KIAA1328: variants seen among roughly 807,000 people sequenced by gnomAD.
KIAA1328 encodes protein hinderin.
Under a neutral mutation model 68.1 loss-of-function variants are expected in KIAA1328, and 52 were observed. The observed-to-expected ratio is 0.76, with a 90% CI of 0.61 to 0.96. The LOEUF is 0.96. KIAA1328 is among the 40% of genes least tolerant of loss of function. The pLI is 0.00. For synonymous variants in KIAA1328, 232 were observed against 239.4 expected (o/e 0.97, Z 0.28); for missense variants, 641 against 677.6 (o/e 0.95, Z 0.60).
chr18:37,196,733 G>A (rs2060010480), intron 9 of KIAA1328, among the ~76,000 whole-genome samples: 1 of 152,052 alleles, frequency 6.6e-6, no homozygotes, highest in Admixed American at 6.6e-5. Context: ...TTGGCCTGTA[G>A]TCTTCTTTTT....
intron 6 of KIAA1328, among the ~76,000 whole-genome samples, chr18:37,032,767 G>A (rs322648): frequency 0.73 from 111,315 of 151,956 alleles, 43,915 homozygotes; most frequent in South Asian, 0.89. Flanking sequence ...CCAGCCTCCC[G>A]AGTAGCTGGG....
chr18:36,951,319 G>A (rs2051151760), intron 5 of KIAA1328, among the ~76,000 whole-genome samples: 1 of 151,908 alleles, frequency 6.6e-6, no homozygotes, highest in African/African-American at 2.4e-5. Context: ...TGTATGTCTG[G>A]CATCTCATTC....
At chr18:37,136,201 A>T (rs2058640386) in intron 7 of KIAA1328, among the ~76,000 whole-genome samples, 1 of 152,150 alleles carries the variant, frequency 6.6e-6, no homozygotes, top group Admixed American at 6.5e-5. Flanking sequence ...GTGTGTGTTG[A>T]TTCACCAGTG....
intron 7 of KIAA1328, among the ~76,000 whole-genome samples, chr18:37,071,615 AT>A (rs2056538395): frequency 6.6e-6 from 1 of 152,180 alleles, no homozygotes; most frequent in Non-Finnish European, 1.5e-5. Context: ...ATGTGCAAAG[AT>A]TATATATACA....
intron 7 of KIAA1328, among the ~76,000 whole-genome samples, chr18:37,074,141 A>C (rs560735315): frequency 1.3e-5 from 2 of 152,328 alleles, no homozygotes; most frequent in Admixed American, 1.3e-4. Flanking sequence ...TTATTGTCTA[A>C]AAGTTTTTTG....
At chr18:36,985,803 GATT>G (rs1442292898) in intron 6 of KIAA1328, among the ~76,000 whole-genome samples, 1 of 152,122 alleles carries the variant, frequency 6.6e-6, no homozygotes, top group Non-Finnish European at 1.5e-5. Flanking sequence ...ATTAGTCATA[GATT>G]ATTAGATACA....
chr18:36,891,167 G>A (rs1211840730), intron 5 of KIAA1328, among the ~76,000 whole-genome samples: 1 of 152,070 alleles, frequency 6.6e-6, no homozygotes, highest in East Asian at 1.9e-4. Context: ...AGATACAATT[G>A]GAGCCCACGC....
At chr18:36,843,974 G>A (rs568617462) in intron 3 of KIAA1328, among the ~76,000 whole-genome samples, 15 of 152,020 alleles carry the variant, frequency 9.9e-5, no homozygotes, top group Non-Finnish European at 2.1e-4. Flanking sequence ...ATTTAAGCAG[G>A]GGATATCTGC....
chr18:37,086,711 T>C (rs751371599), intron 7 of KIAA1328, among the ~76,000 whole-genome samples: 8 of 152,212 alleles, frequency 5.3e-5, no homozygotes, highest in Non-Finnish European at 1.0e-4. Flanking sequence ...CTTAGTAGTT[T>C]TCCTCAGAAA....
chr18:37,228,734 C>G (rs1338308387), downstream of KIAA1328, among the ~76,000 whole-genome samples: 1 of 151,932 alleles, frequency 6.6e-6, no homozygotes, highest in Non-Finnish European at 1.5e-5. Flanking sequence ...GCAGGAAAAT[C>G]TCTTGAACCT....
chr18:37,141,010 C>G (rs920092612), intron 7 of KIAA1328, among the ~76,000 whole-genome samples: 2 of 152,094 alleles, frequency 1.3e-5, no homozygotes, highest in African/African-American at 4.8e-5. Context: ...TTACATAGTT[C>G]TTAATTTTGA....
chr18:37,071,033 T>C (rs1252366929), intron 7 of KIAA1328, among the ~76,000 whole-genome samples: 2 of 151,046 alleles, frequency 1.3e-5, no homozygotes, highest in Admixed American at 1.3e-4. Context: ...GATATTTCCT[T>C]TTTTGTTTTT....
intron 7 of KIAA1328, among the ~76,000 whole-genome samples, chr18:37,141,324 A>G (rs1242471965): frequency 1.3e-5 from 2 of 152,214 alleles, no homozygotes; most frequent in Non-Finnish European, 2.9e-5. Context: ...TGTGTTCTAA[A>G]TCTTCATATA....
At chr18:37,109,523 TTTTCAGGATG>T (rs1160063241) in intron 7 of KIAA1328, among the ~76,000 whole-genome samples, 1 of 152,214 alleles carries the variant, frequency 6.6e-6, no homozygotes, top group East Asian at 1.9e-4. Flanking sequence ...TCATAGATTT[TTTTCAGGATG>T]TTAGATTATC....
At chr18:36,907,843 G>A (rs539580142) in intron 5 of KIAA1328, among the ~76,000 whole-genome samples, 2 of 152,032 alleles carry the variant, frequency 1.3e-5, no homozygotes, top group Admixed American at 6.6e-5. Flanking sequence ...TCTTAAATTC[G>A]TGTTAAAATT....
At chr18:36,964,390 G>A (rs955034374) in intron 6 of KIAA1328, among the ~76,000 whole-genome samples, 9 of 152,070 alleles carry the variant, frequency 5.9e-5, no homozygotes, top group African/African-American at 2.2e-4. Flanking sequence ...TTTTTCATGA[G>A]GCATTTCTTT....
At chr18:36,885,212 T>C (rs1287245514) in intron 4 of KIAA1328, among the ~76,000 whole-genome samples, 1 of 152,194 alleles carries the variant, frequency 6.6e-6, no homozygotes, top group Admixed American at 6.5e-5. Context: ...TGTACCTGTT[T>C]TGGTAACAAA....
intron 6 of KIAA1328, among the ~76,000 whole-genome samples, chr18:37,036,064 G>C (rs1231640227): frequency 6.6e-6 from 1 of 152,118 alleles, no homozygotes; most frequent in East Asian, 1.9e-4. Flanking sequence ...TAGTAGAAAG[G>C]TATTATCTGA....
chr18:36,988,633 A>T (rs78829252), intron 6 of KIAA1328, among the ~76,000 whole-genome samples: 3,156 of 152,292 alleles, frequency 0.021, 60 homozygotes, highest in East Asian at 0.097. Flanking sequence ...TTTAGTGAAC[A>T]AGTTGTTTTT....
Sources: allele counts gnomAD v4.1 joint callset (sites outside exome capture counted in the v4.1 genomes callset), GRCh38; gene constraint gnomAD v4.1.1; transcripts MANE v1.5; gene names NCBI Gene and HGNC (gene_info 2026-07-23, HGNC 2026-07-21).